RPS6KC1: variants seen among roughly 807,000 people sequenced by gnomAD.
RPS6KC1 encodes ribosomal protein S6 kinase C1.
In RPS6KC1, 54 loss-of-function variants were observed where a neutral mutation model predicts 103.8. The observed-to-expected ratio is 0.52, with a 90% CI of 0.42 to 0.65. The LOEUF is 0.65. RPS6KC1 is among the 30% of genes least tolerant of loss of function. The pLI, the probability that RPS6KC1 is intolerant of heterozygous loss-of-function variation, is 0.00. For synonymous variants in RPS6KC1, 439 were observed against 438.7 expected (o/e 1.00, Z -0.01); for missense variants, 1,151 against 1,253.8 (o/e 0.92, Z 1.24).
chr1:213,159,037 A>G (rs2090200491), intron 6 of RPS6KC1, among the ~76,000 whole-genome samples: 1 of 152,162 alleles, frequency 6.6e-6, no homozygotes, highest in African/African-American at 2.4e-5. Flanking sequence ...TTCATATGCA[A>G]AACAGTATGT....
the RPS6KC1 span, among the ~76,000 whole-genome samples, chr1:213,326,595 C>A: frequency 6.6e-6 from 1 of 152,198 alleles, no homozygotes; most frequent in Non-Finnish European, 1.5e-5. Flanking sequence ...GCTTCCCTTC[C>A]CTGTTTCCTC....
intron 8 of RPS6KC1, among the ~76,000 whole-genome samples, chr1:213,183,335 ACT>A (rs1003164715): frequency 3.3e-5 from 5 of 151,998 alleles, no homozygotes; most frequent in African/African-American, 1.2e-4. Context: ...TTTATAGAAC[ACT>A]CTACCTAAGA....
chr1:213,602,105 T>TC, the RPS6KC1 span, among the ~76,000 whole-genome samples: 3 of 37,562 alleles, frequency 8.0e-5, no homozygotes, highest in African/African-American at 1.3e-4. Context: ...TCTTTCTTTC[T>TC]TTCTTTCTTT....
chr1:213,451,407 T>A, the RPS6KC1 span, among the ~76,000 whole-genome samples: 1 of 152,200 alleles, frequency 6.6e-6, no homozygotes, highest in Non-Finnish European at 1.5e-5. Context: ...CAAGCTCAAC[T>A]TATTCCAGGC....
At chr1:213,511,847 C>G in the RPS6KC1 span, among the ~76,000 whole-genome samples, 1 of 152,288 alleles carries the variant, frequency 6.6e-6, no homozygotes, top group East Asian at 1.9e-4. Context: ...ATTTTCCAGG[C>G]ACTTGTCACC....
intron 6 of RPS6KC1, among the ~76,000 whole-genome samples, chr1:213,148,517 A>G (rs1478224887): frequency 6.6e-6 from 1 of 152,172 alleles, no homozygotes; most frequent in Non-Finnish European, 1.5e-5. Flanking sequence ...TTGCATCTCA[A>G]GGGGTAAATC....
At chr1:213,723,122 G>T in the RPS6KC1 span, among the ~76,000 whole-genome samples, 1 of 152,220 alleles carries the variant, frequency 6.6e-6, no homozygotes. Flanking sequence ...AGAGATTGCA[G>T]TGAGCCGAGA....
the RPS6KC1 span, among the ~76,000 whole-genome samples, chr1:213,763,562 A>G: frequency 1.3e-5 from 2 of 152,198 alleles, no homozygotes; most frequent in African/African-American, 2.4e-5. Flanking sequence ...GAAAAGCTGT[A>G]AAAAGGGGAT....
rs766775666 is a variant in RPS6KC1, at chr1:213,242,526, G to T, written c.2822-43G>T. 3 of 1,485,924 alleles carry T rather than the reference G, an allele frequency of 2.0e-6. No homozygotes were observed. The South Asian group carries it at 3.5e-5, about 17-fold the overall frequency. 92.0% of individuals were successfully genotyped at this position (1,485,924 alleles called of 1,614,324 possible). Reference sequence around the variant, plus strand: ...TTACAGTTCACTTCTGCAGAAAATGGAAGAGAAAAATGTTTTGATTTCTCC... The same window carrying T: ...TTACAGTTCACTTCTGCAGAAAATGTAAGAGAAAAATGTTTTGATTTCTCC... On this transcript the variant is annotated intron_variant, in intron 11 of 14. Transcript: ENST00000366960.
chr1:213,594,062 G>T, the RPS6KC1 span, among the ~76,000 whole-genome samples: 1 of 152,028 alleles, frequency 6.6e-6, no homozygotes, highest in Admixed American at 6.5e-5. Flanking sequence ...GATGGCTTTT[G>T]CCAAGTTGGC....
chr1:213,571,967 T>G, the RPS6KC1 span, among the ~76,000 whole-genome samples: 2 of 152,336 alleles, frequency 1.3e-5, no homozygotes, highest in South Asian at 4.1e-4. Flanking sequence ...CACTCTTAGA[T>G]TCACACGGCC....
the RPS6KC1 span, among the ~76,000 whole-genome samples, chr1:213,801,022 G>A: frequency 3.9e-5 from 6 of 152,230 alleles, no homozygotes; most frequent in Admixed American, 6.5e-5. Context: ...CTCAGGTCTG[G>A]GATCTCTGCA....
the RPS6KC1 span, among the ~76,000 whole-genome samples, chr1:213,540,464 C>T: frequency 6.6e-6 from 1 of 152,186 alleles, no homozygotes; most frequent in Non-Finnish European, 1.5e-5. Context: ...CCATCTCAGC[C>T]TCCCGAGTAG....
intron 6 of RPS6KC1, among the ~76,000 whole-genome samples, chr1:213,142,231 T>C (rs1440569135): frequency 6.6e-6 from 1 of 152,146 alleles, no homozygotes; most frequent in South Asian, 2.1e-4. Flanking sequence ...TTGACAGATC[T>C]TTCTTCATTC....
the RPS6KC1 span, among the ~76,000 whole-genome samples, chr1:213,465,636 A>G: frequency 6.6e-6 from 1 of 152,124 alleles, no homozygotes; most frequent in Non-Finnish European, 1.5e-5. Flanking sequence ...TTAATTCTGG[A>G]TGTTCACTCC....
the RPS6KC1 span, among the ~76,000 whole-genome samples, chr1:213,804,906 T>C: frequency 6.6e-6 from 1 of 152,210 alleles, no homozygotes; most frequent in Non-Finnish European, 1.5e-5. Flanking sequence ...ACCTTGGAGA[T>C]AGTTCAGGTT....
chr1:213,244,441 A>G (rs2094420545), intron 12 of RPS6KC1, among the ~76,000 whole-genome samples: 1 of 152,064 alleles, frequency 6.6e-6, no homozygotes, highest in African/African-American at 2.4e-5. Context: ...GTAGTTTCTT[A>G]TTTCTTATTT....
chr1:213,592,313 G>A, the RPS6KC1 span, among the ~76,000 whole-genome samples: 1 of 152,116 alleles, frequency 6.6e-6, no homozygotes, highest in Non-Finnish European at 1.5e-5. Flanking sequence ...TAAATGGAAA[G>A]CATTAAAAAT....
intron 3 of RPS6KC1, among the ~76,000 whole-genome samples, chr1:213,086,269 C>G (rs1262578942): frequency 1.3e-5 from 2 of 152,200 alleles, no homozygotes; most frequent in African/African-American, 4.8e-5. Flanking sequence ...TGGTACTCAT[C>G]CCCTAGGAAA....
Sources: allele counts gnomAD v4.1 joint callset (sites outside exome capture counted in the v4.1 genomes callset), GRCh38; gene constraint gnomAD v4.1.1; transcripts MANE v1.5; gene names NCBI Gene and HGNC (gene_info 2026-07-23, HGNC 2026-07-21).